SEMA6D: variants seen among roughly 807,000 people sequenced by gnomAD.
SEMA6D encodes the protein semaphorin-6D.
Under a neutral mutation model 106.6 loss-of-function variants are expected in SEMA6D, and 35 were observed. That is an observed-to-expected ratio of 0.33 (90% CI 0.25 to 0.44). The LOEUF (loss-of-function observed/expected upper bound fraction) is 0.44. SEMA6D is among the 20% of genes least tolerant of loss of function. The pLI is 1.00. For missense variants in SEMA6D, 1,185 were observed against 1,345.9 expected, an observed-to-expected ratio of 0.88 and a Z score of 1.87; for synonymous variants, 499 against 487.7, an observed-to-expected ratio of 1.02 and a Z score of -0.31.
intron 4 of SEMA6D, among the ~76,000 whole-genome samples, chr15:47,711,293 G>A (rs1353379728): frequency 2.5e-5 from 3 of 118,238 alleles, no homozygotes; most frequent in African/African-American, 1.0e-4. Context: ...CTGGGCGACA[G>A]AGCGAGACTC....
chr15:47,430,439 G>A (rs1035467187), intron 2 of SEMA6D, among the ~76,000 whole-genome samples: 1 of 151,814 alleles, frequency 6.6e-6, no homozygotes, highest in Non-Finnish European at 1.5e-5. Context: ...CAGACTGGGG[G>A]CAGGTCTGGG....
At chr15:47,407,830 C>T (rs2040646724) in intron 1 of SEMA6D, among the ~76,000 whole-genome samples, 1 of 152,186 alleles carries the variant, frequency 6.6e-6, no homozygotes, top group South Asian at 2.1e-4. Flanking sequence ...CAGCCAGAAG[C>T]TCAGATGCTT....
chr15:47,352,400 T>C (rs1372645875), intron 1 of SEMA6D, among the ~76,000 whole-genome samples: 1 of 152,138 alleles, frequency 6.6e-6, no homozygotes. Flanking sequence ...TGTCTTATCT[T>C]TACTACCCTG....
At chr15:47,707,852 T>C (rs2146016562) in intron 4 of SEMA6D, among the ~76,000 whole-genome samples, 1 of 152,244 alleles carries the variant, frequency 6.6e-6, no homozygotes, top group Admixed American at 6.5e-5. Flanking sequence ...AAAACCATAC[T>C]CAATTATCCC....
intron 3 of SEMA6D, among the ~76,000 whole-genome samples, chr15:47,479,507 A>G (rs1418245297): frequency 6.6e-6 from 1 of 152,200 alleles, no homozygotes; most frequent in African/African-American, 2.4e-5. Context: ...ATTATCTTTT[A>G]TATACTACCT....
At chr15:47,654,082 GTGT>G (rs1388983255) in intron 4 of SEMA6D, among the ~76,000 whole-genome samples, 2 of 152,172 alleles carry the variant, frequency 1.3e-5, no homozygotes, top group African/African-American at 4.8e-5. Context: ...CACAAAATTA[GTGT>G]TGTCTTCACC....
At chr15:47,670,928 C>A (rs1340543937) in intron 4 of SEMA6D, among the ~76,000 whole-genome samples, 1 of 152,030 alleles carries the variant, frequency 6.6e-6, no homozygotes, top group African/African-American at 2.4e-5. Context: ...TTTCCTAAAC[C>A]AAGTTTATAT....
At chr15:47,505,713 A>C (rs1804304504) in intron 3 of SEMA6D, among the ~76,000 whole-genome samples, 2 of 152,234 alleles carry the variant, frequency 1.3e-5, no homozygotes, top group Admixed American at 6.5e-5. Flanking sequence ...ATACACACAT[A>C]TACAAAAAGA....
Position 47,707,401 on chromosome 15 carries a change from A to G in SEMA6D, c.-54-52344A>G, listed in dbSNP as rs188305489. 2.4e-4 allele frequency among the ~76,000 whole-genome samples: 37 copies of G among 152,376 alleles called. No individual in the cohort carries two copies. The East Asian group carries it at 6.9e-3, about 29-fold the overall frequency. On this transcript the variant is annotated intron_variant, in intron 4 of 19. Transcript: ENST00000558014. ...ATAATGATTTTTATATAGTTTCATT[A>G]AAAGTTTTAAAAGTATCTATCAGCA...
At chr15:47,535,906 G>T (rs1447178737) in intron 3 of SEMA6D, among the ~76,000 whole-genome samples, 1 of 152,072 alleles carries the variant, frequency 6.6e-6, no homozygotes, top group Non-Finnish European at 1.5e-5. Flanking sequence ...AAGATAATTG[G>T]GGCAGATACA....
intron 3 of SEMA6D, among the ~76,000 whole-genome samples, chr15:47,576,609 T>A (rs1346281162): frequency 6.6e-6 from 1 of 152,230 alleles, no homozygotes; most frequent in African/African-American, 2.4e-5. Flanking sequence ...GCATTCATTC[T>A]GCTGGCAAAT....
intron 1 of SEMA6D, among the ~76,000 whole-genome samples, chr15:47,256,463 TTAC>T: frequency 6.6e-6 from 1 of 152,308 alleles, no homozygotes; most frequent in South Asian, 2.1e-4. Flanking sequence ...TTTGGAGCAG[TTAC>T]AATTTTTCAA....
intron 1 of SEMA6D, among the ~76,000 whole-genome samples, chr15:47,322,031 T>G (rs1453296052): frequency 6.6e-6 from 1 of 152,180 alleles, no homozygotes; most frequent in African/African-American, 2.4e-5. Flanking sequence ...GAAAACTGTA[T>G]TTGAAGACTT....
At chr15:47,714,576 C>T (rs1018042790), upstream of SEMA6D, among the ~76,000 whole-genome samples, 1 of 152,212 alleles carries the variant, frequency 6.6e-6, no homozygotes, top group African/African-American at 2.4e-5. Flanking sequence ...CTACTTTCCA[C>T]TGATGGGAAA....
chr15:47,622,647 G>A (rs1222104242), intron 4 of SEMA6D, among the ~76,000 whole-genome samples: 1 of 152,134 alleles, frequency 6.6e-6, no homozygotes, highest in Admixed American at 6.6e-5. Context: ...AGGGAGAGGG[G>A]GTTGCAGGAC....
chr15:47,480,118 A>G (rs1272105455), intron 3 of SEMA6D, among the ~76,000 whole-genome samples: 2 of 151,512 alleles, frequency 1.3e-5, no homozygotes, highest in African/African-American at 2.4e-5. Flanking sequence ...CTAGTTTCCC[A>G]AAGTGCTAGG....
rs186884137 is a variant in SEMA6D at position 47,188,421 on chromosome 15, G to A, written c.-239+4003G>A. Among the ~76,000 whole-genome samples, 429 of 152,230 alleles carry A rather than the reference G, an allele frequency of 2.8e-3. 3 individuals carry two copies. Among genetic ancestry groups the A allele is most frequent in the African/African-American group, 9.9e-3 (410 of 41,562 alleles). On this transcript the variant is annotated intron_variant, in intron 1 of 19. Coordinates refer to the SEMA6D transcript ENST00000558014. ...AATGGGTAATAAAAATGAAACATTT[G>A]TGAAATGAGGAGATATAAGACAATG...
At chr15:47,391,523 C>T (rs763997954) in intron 1 of SEMA6D, among the ~76,000 whole-genome samples, 9 of 152,100 alleles carry the variant, frequency 5.9e-5, no homozygotes, top group Non-Finnish European at 1.0e-4. Context: ...TGGAGTACTT[C>T]GGTTTCCAGT....
chr15:47,718,686 C>A (rs937263966), intron 1 of SEMA6D: 5 of 152,304 alleles, frequency 3.3e-5, no homozygotes, highest in Non-Finnish European at 7.3e-5. Flanking sequence ...ACAGGGTCTC[C>A]GCCAGGCGAC....
Sources: gnomAD v4.1 joint callset for allele counts (sites outside exome capture counted in the v4.1 genomes callset) on GRCh38, gnomAD v4.1.1 for gene constraint, MANE v1.5 for transcripts, NCBI Gene and HGNC (gene_info 2026-07-23, HGNC 2026-07-21) for gene names.